STARD9: variants seen among roughly 807,000 people sequenced by gnomAD.
STARD9 encodes stAR-related lipid transfer protein 9.
STARD9 carries 346 observed loss-of-function variants against 399.8 expected under a neutral mutation model. That is an observed-to-expected ratio of 0.87 (90% CI 0.79 to 0.95). The LOEUF (loss-of-function observed/expected upper bound fraction) is 0.95. Ranked by LOEUF, STARD9 falls within the 40% of genes least tolerant of loss-of-function variation. The pLI, the probability that STARD9 is intolerant of heterozygous loss-of-function variation, is 0.00. For missense variants in STARD9, 5,832 were observed against 5,667.5 expected (o/e 1.03, Z -0.93); for synonymous variants, 2,203 against 2,143.5 (o/e 1.03, Z -0.77).
At chr15:42,653,327 T>C (rs2059801614) in intron 9 of STARD9, among the ~76,000 whole-genome samples, 1 of 151,978 alleles carries the variant, frequency 6.6e-6, no homozygotes, top group Admixed American at 6.6e-5. Flanking sequence ...GGTCTGAAAA[T>C]AGATTAAAGG....
At chr15:42,632,330 A>T (rs576621956) in intron 3 of STARD9, among the ~76,000 whole-genome samples, 1 of 152,230 alleles carries the variant, frequency 6.6e-6, no homozygotes, top group South Asian at 2.1e-4. Flanking sequence ...GTGTCTTTAT[A>T]GGTGAAATGT....
chr15:42,682,572 A>C lies in STARD9; in HGVS notation c.2534A>C (p.His845Pro), dbSNP rs1176913715. The change falls in exon 22 of 33, where the codon CAC becomes CCC. Residue 845 changes from histidine (H) to proline (P), a missense_variant. Physicochemically the swap from His to Pro is moderately conservative, Grantham distance 77. This residue lies in a region of STARD9 where 5,828 missense variants were observed against 5,651.1 expected (regional missense o/e 1.03). Coordinates refer to ENST00000290607, the MANE Select transcript of STARD9 (RefSeq NM_020759.3). ...TGCAGCAAGCACATGCCCCAGCTACACAGGTACAGCCAGTAGTTGTCACTG... is the reference window on the plus strand; with the variant it reads ...TGCAGCAAGCACATGCCCCAGCTACCCAGGTACAGCCAGTAGTTGTCACTG... ...RLCSKHMPQL[H>P]SIFLSWDPST... 1 of 1,534,594 alleles carries C rather than the reference A, an allele frequency of 6.5e-7. No individual in the cohort carries two copies. Among genetic ancestry groups the C allele is most frequent in the Admixed American group, 2.0e-5 (1 of 50,846 alleles).
rs202110998 is a variant in STARD9 at position 42,692,514 on chromosome 15, G to A, written c.10936G>A (p.Gly3646Ser). Residue 3646 changes from glycine to serine, a missense_variant, in exon 23 of 33, where the codon GGC (glycine) becomes AGC (serine). Around this residue, in one of 2 missense-constraint regions of STARD9, gnomAD observed 5,828 missense variants for 5,651.1 expected, o/e 1.03. Transcript: ENST00000290607. ...ATTCGAACAGGGCACACAGACCCTCGGCAGCAGGCGCCACTGGAGCAGCAC... is the reference window on the plus strand; with the variant it reads ...ATTCGAACAGGGCACACAGACCCTCAGCAGCAGGCGCCACTGGAGCAGCAC... ...NTFEQGTQTL[G>S]SRRHWSSTDI... is the part of the protein sequence containing the mutation. The A allele has an allele frequency of 5.1e-4, 791 of 1,537,020 alleles. 1 individual carries two copies. Among genetic ancestry groups the A allele is most frequent in the South Asian group, 7.9e-4 (66 of 84,060 alleles).
intron 17 of STARD9, 128 bp from the exon 18 acceptor site, chr15:42,674,699 G>C: frequency 7.2e-7 from 1 of 1,382,810 alleles, no homozygotes; most frequent in Non-Finnish European, 9.5e-7. Context: ...GTGGTTTCAG[G>C]TCAGCTCTTC....
chr15:42,649,504 A>C (rs1239570419), intron 7 of STARD9, among the ~76,000 whole-genome samples: 1 of 151,596 alleles, frequency 6.6e-6, no homozygotes, highest in Non-Finnish European at 1.5e-5. Flanking sequence ...TTATTTCATT[A>C]TAGTTTCCAA....
At chr15:42,590,553 C>G (rs143550348) in intron 3 of STARD9, among the ~76,000 whole-genome samples, 1 of 152,274 alleles carries the variant, frequency 6.6e-6, no homozygotes, top group East Asian at 1.9e-4. Context: ...ACAAGAATGT[C>G]ACCTGATCAG....
intron 7 of STARD9, among the ~76,000 whole-genome samples, chr15:42,639,573 A>G (rs1024420678): frequency 2.0e-5 from 3 of 152,166 alleles, no homozygotes; most frequent in Non-Finnish European, 4.4e-5. Context: ...ATAAGAAGTA[A>G]TATATGGCCC....
Position 42,682,466 on chromosome 15 carries a change from C to G in STARD9, c.2428C>G (p.Leu810Val). The change falls in exon 22 of 33, where the codon CTC (leucine) becomes GTC (valine). Residue 810 changes from leucine to valine, a missense_variant. Physicochemically the swap from Leu to Val is conservative, Grantham distance 32 (BLOSUM62 1). This residue lies in a region of STARD9 where 5,828 missense variants were observed against 5,651.1 expected (regional missense o/e 1.03). Transcript: ENST00000290607. The part of the protein sequence containing the change: ...DSTQEPPYQV[L>V]SPDATVPRPP... ...CACCCAGGAGCCCCCATACCAGGTC[C>G]TCAGCCCTGATGCCACAGTCCCACG... The G allele has an allele frequency of 6.5e-7, 1 of 1,537,206 alleles. No homozygotes were observed. Among genetic ancestry groups the G allele is most frequent in the Non-Finnish European group, 8.7e-7 (1 of 1,146,898 alleles).
chr15:42,615,198 G>C (rs138641056), intron 3 of STARD9, among the ~76,000 whole-genome samples: 5,758 of 151,736 alleles, frequency 0.038, 388 homozygotes, highest in African/African-American at 0.13. Flanking sequence ...TTAGTAGAGA[G>C]AGCGTTTCAC....
chr15:42,650,702 A>G (rs1009935397), intron 7 of STARD9, among the ~76,000 whole-genome samples: 1 of 152,196 alleles, frequency 6.6e-6, no homozygotes, highest in Non-Finnish European at 1.5e-5. Context: ...GGGCCAAATG[A>G]GAACAGTTCT....
At chr15:42,701,761 G>A (rs1477205181) in intron 26 of STARD9, among the ~76,000 whole-genome samples, 1 of 152,034 alleles carries the variant, frequency 6.6e-6, no homozygotes, top group Non-Finnish European at 1.5e-5. Context: ...TTGGGAGGCT[G>A]AGGCAGGCTG....
intron 14 of STARD9, 147 bp from the exon 15 acceptor site, chr15:42,665,639 G>A (rs1164012791): frequency 2.8e-5 from 20 of 715,012 alleles, no homozygotes; most frequent in Non-Finnish European, 4.3e-5. Context: ...ACCAATATGA[G>A]CCCAAATACT....
At chr15:42,676,547 C>T (rs933949026) in intron 20 of STARD9, among the ~76,000 whole-genome samples, 4 of 152,116 alleles carry the variant, frequency 2.6e-5, no homozygotes, top group Non-Finnish European at 5.9e-5. Flanking sequence ...CCTCTCATAC[C>T]CACTTTGCCT....
chr15:42,586,351 G>T (rs529327915), intron 3 of STARD9, among the ~76,000 whole-genome samples: 4 of 152,322 alleles, frequency 2.6e-5, no homozygotes, highest in African/African-American at 9.6e-5. Flanking sequence ...AGCAGCCAAG[G>T]CTTTGCCAGC....
chr15:42,611,020 C>A (rs1168135521), intron 3 of STARD9, among the ~76,000 whole-genome samples: 1 of 152,194 alleles, frequency 6.6e-6, no homozygotes, highest in South Asian at 2.1e-4. Flanking sequence ...ATTGAAAGTA[C>A]CCAGGACTCT....
chr15:42,661,137 T>G, intron 9 of STARD9, 21 bp from the exon 10 acceptor site: 2 of 1,518,758 alleles, frequency 1.3e-6, no homozygotes, highest in Non-Finnish European at 1.8e-6. Context: ...AATGACAGGC[T>G]TTAAATGTTT....
At chr15:42,634,334 C>A (rs2059382231) in intron 3 of STARD9, among the ~76,000 whole-genome samples, 1 of 152,098 alleles carries the variant, frequency 6.6e-6, no homozygotes, top group African/African-American at 2.4e-5. Flanking sequence ...GGTAAATGAC[C>A]AGCAGAACCA....
At chr15:42,614,794 G>A (rs1388156077) in intron 3 of STARD9, among the ~76,000 whole-genome samples, 5 of 151,738 alleles carry the variant, frequency 3.3e-5, no homozygotes, top group Admixed American at 1.3e-4. Context: ...GTGAAACCCC[G>A]TCTCTACTAA....
intron 3 of STARD9, among the ~76,000 whole-genome samples, chr15:42,604,293 A>G (rs1472388061): frequency 1.3e-5 from 2 of 152,112 alleles, no homozygotes; most frequent in South Asian, 2.1e-4. Flanking sequence ...ATCAACATCA[A>G]ATTTGATTTT....
Sources: gnomAD v4.1 joint callset for allele counts (sites outside exome capture counted in the v4.1 genomes callset) on GRCh38, gnomAD v4.1.1 for gene constraint, gnomAD v4.1.1 regional missense constraint, MANE v1.5 for transcripts, NCBI Gene and HGNC (gene_info 2026-07-23, HGNC 2026-07-21) for gene names.